SLC11A2: variants seen among roughly 807,000 people sequenced by gnomAD.
SLC11A2 encodes the protein natural resistance-associated macrophage protein 2.
In SLC11A2, 38 loss-of-function variants were observed where a neutral mutation model predicts 68.0. The ratio of observed to expected loss-of-function variants is 0.56; its 90% CI spans 0.43 to 0.73. The LOEUF (loss-of-function observed/expected upper bound fraction) is 0.73, where lower values mean the gene tolerates loss of function less well. Ranked by LOEUF, SLC11A2 falls within the 30% of genes least tolerant of loss-of-function variation. SLC11A2 has a pLI of 0.00. For synonymous variants in SLC11A2, 242 were observed against 250.6 expected, an observed-to-expected ratio of 0.97 and a Z score of 0.32; for missense variants, 517 against 690.5, an observed-to-expected ratio of 0.75 and a Z score of 2.82.
Position 50,986,243 on chromosome 12 carries a change from G to A in SLC11A2, c.*2082C>T, listed in dbSNP as rs981499182. ...CTTAAACATTCCACATAAACACACT[G>A]TCAAAACTCACTGGATATGCTGGAA... On this transcript the variant is annotated 3_prime_UTR_variant, in exon 16 of 16. Coordinates refer to ENST00000262052, the MANE Select transcript of SLC11A2 (RefSeq NM_000617.3). 2 of 1,284,192 alleles carry A rather than the reference G, an allele frequency of 1.6e-6. No individual in the cohort carries two copies. Among genetic ancestry groups the A allele is most frequent in the Non-Finnish European group, 2.0e-6 (2 of 985,968 alleles). 79.5% of individuals were successfully genotyped at this position (1,284,192 alleles called of 1,614,324 possible). A position where few individuals can be genotyped will look rare whatever the true frequency, so the allele number is the denominator to read the frequency against.
the SLC11A2 span, among the ~76,000 whole-genome samples, chr12:50,971,983 A>G: frequency 1.3e-5 from 2 of 152,380 alleles, no homozygotes; most frequent in East Asian, 3.9e-4. Context: ...TAGTGCTACC[A>G]ACAAGTACAT....
rs1268436702 is a variant in SLC11A2 at position 51,010,686 on chromosome 12, G to T, written c.34+9C>A. The T allele has an allele frequency of 2.7e-6, 4 of 1,496,726 alleles. No individual in the cohort carries two copies. The highest frequency in any genetic ancestry group is 3.7e-6 in the Non-Finnish European group (4 of 1,071,532). The allele number at this position is 1,496,726 out of a possible 1,614,324, so 92.7% of individuals were successfully genotyped here. ...TAAAATTAGACAATAACACAAAGCG[G>T]TAAATTACCATCTGACATCTTCTGT... On this transcript the variant is annotated intron_variant, in intron 2 of 15. Transcript: ENST00000262052.
chr12:50,969,595 A>G, the SLC11A2 span, among the ~76,000 whole-genome samples: 6 of 150,478 alleles, frequency 4.0e-5, no homozygotes, highest in Non-Finnish European at 8.9e-5. Flanking sequence ...GCTACTTGGG[A>G]GGCTGAGGCA....
downstream of SLC11A2, among the ~76,000 whole-genome samples, chr12:50,977,684 G>T (rs1341518283): frequency 4.6e-5 from 7 of 152,060 alleles, no homozygotes; most frequent in Non-Finnish European, 5.9e-5. Context: ...CACAGCAAAA[G>T]AAACTACCAT....
the SLC11A2 span, among the ~76,000 whole-genome samples, chr12:50,967,147 G>C: frequency 1.3e-5 from 2 of 151,308 alleles, no homozygotes; most frequent in African/African-American, 4.9e-5. Flanking sequence ...ATAGGGTCTT[G>C]CTCTGTCACT....
At chr12:50,958,872 C>T in the SLC11A2 span, among the ~76,000 whole-genome samples, 11 of 151,318 alleles carry the variant, frequency 7.3e-5, no homozygotes, top group African/African-American at 2.7e-4. Flanking sequence ...CAAAAGTTGG[C>T]CAGGTGTGGT....
the SLC11A2 span, among the ~76,000 whole-genome samples, chr12:50,966,585 C>T: frequency 6.6e-6 from 1 of 152,154 alleles, no homozygotes; most frequent in Non-Finnish European, 1.5e-5. Context: ...CAAAACTGCC[C>T]CTGGTTGAGA....
chr12:51,004,970 T>C (rs1942596378), intron 4 of SLC11A2, 63 bp from the exon 5 acceptor site: 2 of 1,593,590 alleles, frequency 1.3e-6, no homozygotes, highest in Non-Finnish European at 1.7e-6. Context: ...TGTTTGTTTG[T>C]TTAGTTGTTT....
At chr12:50,956,965 A>G in the SLC11A2 span, among the ~76,000 whole-genome samples, 1 of 151,266 alleles carries the variant, frequency 6.6e-6, no homozygotes, top group Non-Finnish European at 1.5e-5. Context: ...CTGTTTCCTC[A>G]TATGTCTACC....
chr12:51,024,791 A>T (rs1363232105), intron 1 of SLC11A2: 1 of 152,172 alleles, frequency 6.6e-6, no homozygotes, highest in Non-Finnish European at 1.5e-5. Flanking sequence ...CTAACATTAG[A>T]GTAAGATTAG....
At chr12:51,008,230 AT>A in intron 3 of SLC11A2, 1 of 292,634 alleles carries the variant, frequency 3.4e-6, no homozygotes, top group South Asian at 3.7e-5. Context: ...AGACAGATAG[AT>A]AGATAGATAG....
chr12:50,979,773 T>C, downstream of SLC11A2: 3 of 444,444 alleles, frequency 6.8e-6, no homozygotes, highest in Non-Finnish European at 1.4e-5. Context: ...TAAACGAACA[T>C]AGGCAATGTC....
At chr12:51,008,283 G>A in intron 3 of SLC11A2, 193 bp downstream of exon 3, 1 of 464,906 alleles carries the variant, frequency 2.2e-6, no homozygotes, top group South Asian at 2.2e-5. Context: ...GACAGACAGA[G>A]ATAGATAGAT....
At chr12:50,969,491 G>A in the SLC11A2 span, among the ~76,000 whole-genome samples, 1 of 152,084 alleles carries the variant, frequency 6.6e-6, no homozygotes, top group South Asian at 2.1e-4. Context: ...CCTGAGGTCA[G>A]GAGTTCAAGA....
intron 6 of SLC11A2, 86 bp from the exon 7 acceptor site, chr12:50,999,501 T>C (rs1394486278): frequency 9.0e-7 from 1 of 1,112,238 alleles, no homozygotes. Context: ...GCTCTCCAGA[T>C]AAAGAACACT....
Position 51,000,403 on chromosome 12 carries a change from A to G in SLC11A2, c.446T>C (p.Leu149Pro). The G allele has an allele frequency of 1.9e-6, 3 of 1,613,388 alleles. No individual in the cohort carries two copies. Among genetic ancestry groups the G allele is most frequent in the East Asian group, 4.5e-5 (2 of 44,892 alleles). The change falls in exon 6 of 16, where the codon CTG (leucine) becomes CCG (proline). Residue 149 changes from leucine (L) to proline (P), a missense_variant. Transcript: ENST00000262052. ...GATAGCCAACTCCACCATCAGCCAC[A>G]GGATGACTCGTGGGACCTAAACATC... ...RQYPKVPRVI[L>P]WLMVELAIIG...
upstream of SLC11A2, chr12:51,028,155 G>T (rs1348491413): frequency 1.3e-6 from 2 of 1,506,384 alleles, no homozygotes; most frequent in Admixed American, 4.0e-5. Flanking sequence ...GCTCAGCTGG[G>T]CAGCTTCCCT....
chr12:50,990,690 A>G (rs922916987), intron 15 of SLC11A2, 105 bp downstream of exon 15: 14 of 1,191,778 alleles, frequency 1.2e-5, no homozygotes, highest in Non-Finnish European at 1.6e-5. Flanking sequence ...GATTATAGGC[A>G]TGAGCCACTG....
the SLC11A2 span, among the ~76,000 whole-genome samples, chr12:50,969,490 A>T: frequency 6.6e-6 from 1 of 152,104 alleles, no homozygotes; most frequent in African/African-American, 2.4e-5. Context: ...ACCTGAGGTC[A>T]GGAGTTCAAG....
Sources: gnomAD v4.1 joint callset for allele counts (sites outside exome capture counted in the v4.1 genomes callset) on GRCh38, gnomAD v4.1.1 for gene constraint, MANE v1.5 for transcripts, NCBI Gene and HGNC (gene_info 2026-07-23, HGNC 2026-07-21) for gene names.